VWA5B1: variants seen among roughly 807,000 people sequenced by gnomAD.
VWA5B1 encodes the protein von Willebrand factor A domain containing 5B1.
In VWA5B1, 115 loss-of-function variants were observed where a neutral mutation model predicts 118.2. The observed-to-expected ratio is 0.97, with a 90% CI of 0.84 to 1.14. VWA5B1 has a LOEUF of 1.14. Ranked by LOEUF, VWA5B1 falls within the 50% of genes most tolerant of loss-of-function variation. The probability of loss-of-function intolerance (pLI) is 0.00; values close to 1 mark genes in which losing one functional copy is unlikely to be tolerated. For synonymous variants in VWA5B1, 682 were observed against 658.4 expected (o/e 1.04, Z -0.55); for missense variants, 1,596 against 1,603.8 (o/e 1.00, Z 0.08).
In VWA5B1 at chr1:20,342,576, C is replaced by T. The variant is rs535112388; in HGVS notation, c.2278C>T (p.Arg760Trp). Reference protein sequence around the residue: ...ETQAWSPVRERTSDSRSPGDL... With the variant: ...ETQAWSPVREWTSDSRSPGDL... Reference sequence around the variant, plus strand: ...CCAGGCCTGGAGCCCTGTGAGAGAGCGGACTTCTGACAGCCGAAGCCCTGG... The same window carrying T: ...CCAGGCCTGGAGCCCTGTGAGAGAGTGGACTTCTGACAGCCGAAGCCCTGG... The change falls in exon 15 of 22, where the codon CGG (arginine) becomes TGG (tryptophan). Residue 760 changes from arginine to tryptophan, a missense_variant. Transcript: ENST00000289815. 57 of 1,514,124 alleles carry T rather than the reference C, an allele frequency of 3.8e-5. No individual in the cohort carries two copies. The highest frequency in any genetic ancestry group is 1.4e-4 in the Admixed American group (6 of 43,316). The allele number at this position is 1,514,124 out of a possible 1,614,324, so 93.8% of individuals were successfully genotyped here.
At position 20,353,748 on chromosome 1, in the gene VWA5B1, C is replaced by T. The variant is rs868474697; in HGVS notation, c.3142-9C>T. On this transcript the variant is annotated splice_polypyrimidine_tract_variant and intron_variant, in intron 21 of 21. Transcript: ENST00000289815. ...TTGAGGCCCACTGAAGGGCTTCCCC[C>T]ACACACAGGTGTCTCTGCAGCTGGC... 38 of 1,452,824 alleles carry T rather than the reference C, an allele frequency of 2.6e-5. No homozygotes were observed. In the Middle Eastern group the frequency reaches 2.7e-3, roughly 104 times the overall value. 90.0% of individuals were successfully genotyped at this position (1,452,824 alleles called of 1,614,324 possible). A position where few individuals can be genotyped will look rare whatever the true frequency, so the allele number is the denominator to read the frequency against.
intron 17 of VWA5B1, 25 bp downstream of exon 17, chr1:20,345,618 C>A (rs769590606): frequency 6.6e-7 from 1 of 1,525,186 alleles, no homozygotes; most frequent in Admixed American, 2.1e-5. Flanking sequence ...CGGCCGGGGG[C>A]ACTCCTGGGG....
At chr1:20,340,084 G>A (rs1003913807) in intron 14 of VWA5B1, among the ~76,000 whole-genome samples, 5 of 152,004 alleles carry the variant, frequency 3.3e-5, no homozygotes, top group African/African-American at 7.2e-5. Context: ...TCTTTCCTGC[G>A]CGCTCCCTAG....
At chr1:20,352,219 C>T in intron 21 of VWA5B1, 47 bp downstream of exon 21, 1 of 1,414,018 alleles carries the variant, frequency 7.1e-7, no homozygotes, top group Non-Finnish European at 9.7e-7. Context: ...CTCCACTCAG[C>T]AGCAGGGCCT....
intron 1 of VWA5B1, among the ~76,000 whole-genome samples, chr1:20,308,355 G>A (rs138069159): frequency 1.6e-3 from 246 of 152,262 alleles, no homozygotes; most frequent in African/African-American, 5.6e-3. Flanking sequence ...AGATGCCTTC[G>A]GCAGAATCTC....
At chr1:20,337,380 G>A (rs546983777) in intron 13 of VWA5B1, among the ~76,000 whole-genome samples, 2 of 152,004 alleles carry the variant, frequency 1.3e-5, no homozygotes, top group South Asian at 2.1e-4. Context: ...CACCCACCTC[G>A]GCTTCCCACA....
intron 17 of VWA5B1, among the ~76,000 whole-genome samples, chr1:20,347,659 C>T (rs1386927094): frequency 1.3e-5 from 2 of 151,830 alleles, no homozygotes; most frequent in African/African-American, 2.4e-5. Context: ...GATAGGGCCT[C>T]GCTATGTTAC....
intron 1 of VWA5B1, among the ~76,000 whole-genome samples, chr1:20,291,644 C>T (rs2088308027): frequency 6.6e-6 from 1 of 152,098 alleles, no homozygotes; most frequent in African/African-American, 2.4e-5. Flanking sequence ...CAGTCAGGAG[C>T]TCTGCAGGGT....
At chr1:20,300,944 G>T (rs1016466337) in intron 1 of VWA5B1, among the ~76,000 whole-genome samples, 1 of 152,232 alleles carries the variant, frequency 6.6e-6, no homozygotes, top group Non-Finnish European at 1.5e-5. Flanking sequence ...TGCAGTTGGT[G>T]GCAGGACTTG....
chr1:20,305,079 T>G (rs1314841721), intron 1 of VWA5B1, among the ~76,000 whole-genome samples: 1 of 152,118 alleles, frequency 6.6e-6, no homozygotes, highest in Non-Finnish European at 1.5e-5. Context: ...GGATTACACC[T>G]TGGAGCGTTG....
chr1:20,316,154 G>A (rs980072995), intron 4 of VWA5B1, among the ~76,000 whole-genome samples: 3 of 152,202 alleles, frequency 2.0e-5, no homozygotes, highest in African/African-American at 7.2e-5. Context: ...TATTAGTGAG[G>A]AGAGGGGGGA....
chr1:20,298,287 A>C (rs556943968), intron 1 of VWA5B1, among the ~76,000 whole-genome samples: 1 of 151,978 alleles, frequency 6.6e-6, no homozygotes, highest in Non-Finnish European at 1.5e-5. Flanking sequence ...GATTACAGGC[A>C]TGAGCCACCC....
In VWA5B1 at chr1:20,312,805, C is replaced by T. The variant is rs771937313; in HGVS notation, c.140-31C>T. 173 of 1,530,180 alleles carry T rather than the reference C, an allele frequency of 1.1e-4. 1 individual carries two copies. Among genetic ancestry groups the T allele is most frequent in the Non-Finnish European group, 1.5e-4 (171 of 1,132,992 alleles). 94.8% of individuals were successfully genotyped at this position (1,530,180 alleles called of 1,614,324 possible). A position where few individuals can be genotyped will look rare whatever the true frequency, so the allele number is the denominator to read the frequency against. ...AGGGGTGTGCAGGGTAGGCCTGGGG[C>T]ACCCCGTGATGCTGGGCCCTGCTCC... is the stretch of plus-strand genomic sequence containing the variant. On this transcript the variant is annotated intron_variant, in intron 2 of 21. Transcript: ENST00000289815.
In VWA5B1 at chr1:20,336,480, A is replaced by G. The variant is rs1257227563; in HGVS notation, c.1936A>G (p.Lys646Glu). The change falls in exon 13 of 22, where the codon AAG becomes GAG. Residue 646 changes from lysine to glutamate, a missense_variant. Physicochemically the swap from Lys to Glu is moderately conservative, Grantham distance 56. Coordinates refer to ENST00000289815, the MANE Select transcript of VWA5B1 (RefSeq NM_001039500.3). ...GCTAGCCAGCGGAGACTCTACCACCAAGCACGGTTCGTCTGCGGCTCTGAT... is the reference window on the plus strand; with the variant it reads ...GCTAGCCAGCGGAGACTCTACCACCGAGCACGGTTCGTCTGCGGCTCTGAT... ...ARLASGDSTT[K>E]HDLNLSQRRR... 2.8e-6 allele frequency: 4 copies of G among 1,408,724 alleles called. No homozygotes were observed. The highest frequency in any genetic ancestry group is 2.7e-5 in the Admixed American group (1 of 37,526). The allele number at this position is 1,408,724 out of a possible 1,614,324, so 87.3% of individuals were successfully genotyped here.
Position 20,312,981 on chromosome 1 carries a change from A to C in VWA5B1, c.285A>C (p.Thr95=). ...ATGCCTCCCATGTTCGATCCCCAAC[A>C]GTCACAGGTAAGGAGACCAGAAGGG... ...HFDASHVRSP[T]VTGNILQDGV... The change falls in exon 3 of 22, where the codon ACA becomes ACC. Residue 95 remains threonine (T), a synonymous_variant. Transcript: ENST00000289815. 1.3e-6 allele frequency: 2 copies of C among 1,551,554 alleles called. No homozygotes were observed. The highest frequency in any genetic ancestry group is 1.7e-6 in the Non-Finnish European group (2 of 1,146,946).
rs7526077 is a variant in VWA5B1 at position 20,323,403 on chromosome 1, C to A, written c.1014C>A (p.Ser338=). 6.5e-7 allele frequency: 1 copy of A among 1,528,360 alleles called. No homozygotes were observed. The highest frequency in any genetic ancestry group is 8.8e-7 in the Non-Finnish European group (1 of 1,136,774). The allele number at this position is 1,528,360 out of a possible 1,614,324, so 94.7% of individuals were successfully genotyped here. The change falls in exon 8 of 22, where the codon TCC becomes TCA. Residue 338 remains serine (S), a synonymous_variant. Transcript: ENST00000289815. ...KRLHKDIPHH[S]VIMLNFCPDL... ...TCCACAAAGACATTCCCCACCACTC[C>A]GTCATCATGCTCAACTTCTGTCCCG...
At chr1:20,319,527 G>A (rs1196582496) in intron 7 of VWA5B1, 21 bp downstream of exon 7, 19 of 1,551,086 alleles carry the variant, frequency 1.2e-5, no homozygotes, top group Non-Finnish European at 1.7e-5. Flanking sequence ...CTGAGGTGGG[G>A]AGCGGACGGT....
intron 11 of VWA5B1, among the ~76,000 whole-genome samples, chr1:20,332,239 G>C (rs1189490498): frequency 9.2e-5 from 14 of 152,052 alleles, no homozygotes; most frequent in Admixed American, 9.2e-4. Flanking sequence ...CAGTACTTTG[G>C]GAGGCCTAGG....
rs1557841617 is a variant in VWA5B1, at chr1:20,317,530, C to A, written c.564C>A (p.Gly188=). Residue 188 remains glycine (G), a splice_region_variant and synonymous_variant, in exon 5 of 22, where the codon GGC becomes GGA. Transcript: ENST00000289815. ...STGTSNQQAQ[G]KDRHCFGAWA... is the part of the protein sequence containing the mutation. ...TTTCCTTCCCCCGGCCCTTTTCCAGCAAAGACAGGCACTGCTTCGGTGCCT... is the reference window on the plus strand; with the variant it reads ...TTTCCTTCCCCCGGCCCTTTTCCAGAAAAGACAGGCACTGCTTCGGTGCCT... The A allele has an allele frequency of 1.9e-6, 3 of 1,551,376 alleles. No individual in the cohort carries two copies. Among genetic ancestry groups the A allele is most frequent in the Admixed American group, 3.9e-5 (2 of 50,932 alleles).
Sources: allele counts gnomAD v4.1 joint callset (sites outside exome capture counted in the v4.1 genomes callset), GRCh38; gene constraint gnomAD v4.1.1; transcripts MANE v1.5; gene names NCBI Gene and HGNC (gene_info 2026-07-23, HGNC 2026-07-21).